Variants in LDAH observed in about 807,000 individuals in gnomAD.
The protein encoded by LDAH is lipid droplet associated hydrolase.
A neutral mutation model predicts 29.6 loss-of-function variants in LDAH; 26 were observed. That is an observed-to-expected ratio of 0.88 (90% confidence interval 0.64 to 1.22). The LOEUF (loss-of-function observed/expected upper bound fraction) is 1.22. Among genes scored for constraint, LDAH ranks in the 50% most tolerant of loss-of-function variants. LDAH has a pLI of 0.00. For synonymous variants in LDAH, 117 were observed against 133.0 expected, an observed-to-expected ratio of 0.88 and a Z score of 0.83; for missense variants, 344 against 387.3, an observed-to-expected ratio of 0.89 and a Z score of 0.94.
Position 20,810,844 on chromosome 2 carries a change from T to C in LDAH, c.-2-9379A>G, listed in dbSNP as rs537913703. On this transcript the variant is annotated intron_variant, in intron 1 of 6. Coordinates refer to ENST00000237822, the MANE Select transcript of LDAH (RefSeq NM_021925.4). The stretch of plus-strand genomic sequence containing the variant: ...AATTCTCACAGGAACGCAAACCCTA[T>C]TGTGAACTGTGCATGCGAAGGATCT... 3.3e-5 allele frequency among the ~76,000 whole-genome samples: 5 copies of C among 152,184 alleles called. No homozygotes were observed. The East Asian group carries it at 7.7e-4, about 24-fold the overall frequency.
intron 1 of LDAH, among the ~76,000 whole-genome samples, chr2:20,819,897 A>C (rs1007512315): frequency 6.6e-6 from 1 of 152,234 alleles, no homozygotes; most frequent in African/African-American, 2.4e-5. Flanking sequence ...CCTTAAGCTG[A>C]TAAGCAACTT....
intron 2 of LDAH, among the ~76,000 whole-genome samples, chr2:20,798,348 A>T (rs1671444799): frequency 6.6e-6 from 1 of 152,162 alleles, no homozygotes; most frequent in South Asian, 2.1e-4. Context: ...GACTGGAGCC[A>T]AAGGACAGAG....
intron 5 of LDAH, among the ~76,000 whole-genome samples, chr2:20,710,643 GTATAC>G (rs1664672686): frequency 1.6e-4 from 22 of 138,472 alleles, no homozygotes; most frequent in East Asian, 1.2e-3. Flanking sequence ...TAGATATATA[GTATAC>G]ATATATATAC....
intron 6 of LDAH, among the ~76,000 whole-genome samples, chr2:20,695,985 T>G (rs1663442028): frequency 6.6e-6 from 1 of 152,164 alleles, no homozygotes. Context: ...CAGGCTCCAC[T>G]GCAGAACCCC....
intron 4 of LDAH, among the ~76,000 whole-genome samples, chr2:20,761,473 T>C (rs934141945): frequency 1.3e-5 from 2 of 152,168 alleles, no homozygotes; most frequent in African/African-American, 2.4e-5. Context: ...AGAAGTTATA[T>C]TCTATCGGAG....
At chr2:20,821,433 G>T (rs543791379) in intron 1 of LDAH, among the ~76,000 whole-genome samples, 2 of 152,296 alleles carry the variant, frequency 1.3e-5, no homozygotes, top group African/African-American at 2.4e-5. Context: ...ATACTATGCA[G>T]CCATAAAAAA....
At chr2:20,705,644 G>A (rs185693306) in intron 5 of LDAH, among the ~76,000 whole-genome samples, 25 of 152,170 alleles carry the variant, frequency 1.6e-4, no homozygotes, top group African/African-American at 5.8e-4. Flanking sequence ...TAGTGGGGGA[G>A]AGAATGAGAC....
chr2:20,788,647 C>T (rs1257070939), intron 3 of LDAH, among the ~76,000 whole-genome samples: 1 of 152,048 alleles, frequency 6.6e-6, no homozygotes, highest in African/African-American at 2.4e-5. Flanking sequence ...ACTAGAGAGA[C>T]GTACAAGAAC....
At chr2:20,713,100 G>A (rs1664893670) in intron 5 of LDAH, among the ~76,000 whole-genome samples, 1 of 152,136 alleles carries the variant, frequency 6.6e-6, no homozygotes, top group Non-Finnish European at 1.5e-5. Flanking sequence ...GATTCACCAA[G>A]GTTGAAATGA....
intron 4 of LDAH, among the ~76,000 whole-genome samples, chr2:20,746,164 A>G (rs1047433830): frequency 6.6e-6 from 1 of 152,210 alleles, no homozygotes; most frequent in African/African-American, 2.4e-5. Context: ...AGTTAATACC[A>G]AACTAGAAGA....
At chr2:20,804,003 T>C (rs1185020103) in intron 1 of LDAH, among the ~76,000 whole-genome samples, 1 of 152,214 alleles carries the variant, frequency 6.6e-6, no homozygotes, top group Admixed American at 6.5e-5. Context: ...AAATTCTATT[T>C]GTTACATGAA....
Position 20,686,683 on chromosome 2 carries a change from C to T in LDAH, c.*220G>A, listed in dbSNP as rs1662577201. On this transcript the variant is annotated 3_prime_UTR_variant, in exon 7 of 7. Coordinates refer to ENST00000237822, the MANE Select transcript of LDAH (RefSeq NM_021925.4). ...AAGACTCTGTGTAGATCACTGTGTT[C>T]CCTGAGTCTTGGAAAATGTATGGTT... 4.7e-6 allele frequency: 2 copies of T among 427,990 alleles called. No homozygotes were observed. The highest frequency in any genetic ancestry group is 4.0e-5 in the East Asian group (1 of 24,958). 26.5% of individuals were successfully genotyped at this position (427,990 alleles called of 1,614,324 possible).
At chr2:20,767,216 A>G (rs1222015302) in intron 4 of LDAH, among the ~76,000 whole-genome samples, 1 of 152,194 alleles carries the variant, frequency 6.6e-6, no homozygotes, top group Non-Finnish European at 1.5e-5. Context: ...TGGAGCCACT[A>G]GAGCCAGAAA....
At chr2:20,683,470 T>G (rs995045415), downstream of LDAH, among the ~76,000 whole-genome samples, 2 of 152,230 alleles carry the variant, frequency 1.3e-5, no homozygotes, top group Non-Finnish European at 2.9e-5. Flanking sequence ...TCTTCTCTTC[T>G]GCAAGAGAAG....
At chr2:20,816,174 T>C (rs1293313629) in intron 1 of LDAH, among the ~76,000 whole-genome samples, 1 of 151,856 alleles carries the variant, frequency 6.6e-6, no homozygotes, top group Non-Finnish European at 1.5e-5. Context: ...ATTCTGAAAA[T>C]ATTCAAGCAA....
chr2:20,740,714 G>C (rs1667114724), intron 4 of LDAH, among the ~76,000 whole-genome samples: 1 of 152,114 alleles, frequency 6.6e-6, no homozygotes, highest in African/African-American at 2.4e-5. Flanking sequence ...TGTAAGTTTT[G>C]GCAATTATGA....
intron 4 of LDAH, among the ~76,000 whole-genome samples, chr2:20,758,323 G>C (rs1668468108): frequency 6.6e-6 from 1 of 152,202 alleles, no homozygotes; most frequent in Admixed American, 6.5e-5. Flanking sequence ...TAAATGACAA[G>C]ATGGAGATTT....
intron 3 of LDAH, among the ~76,000 whole-genome samples, chr2:20,775,642 T>C (rs912681855): frequency 2.6e-5 from 4 of 152,184 alleles, no homozygotes; most frequent in Admixed American, 2.6e-4. Context: ...TTAAAAACTG[T>C]CCCTTTTAAA....
chr2:20,697,740 A>C (rs1009604045), intron 6 of LDAH, among the ~76,000 whole-genome samples: 6 of 152,320 alleles, frequency 3.9e-5, no homozygotes, highest in African/African-American at 1.2e-4. Flanking sequence ...TGCGGTGTAC[A>C]GGTCCAGAGG....
Sources: gnomAD v4.1 joint callset for allele counts (sites outside exome capture counted in the v4.1 genomes callset) on GRCh38, gnomAD v4.1.1 for gene constraint, MANE v1.5 for transcripts, NCBI Gene and HGNC (gene_info 2026-07-23, HGNC 2026-07-21) for gene names.